Variants in PTPRJ observed in about 807,000 individuals in gnomAD.
PTPRJ encodes receptor-type tyrosine-protein phosphatase eta.
Under a neutral mutation model 141.3 loss-of-function variants are expected in PTPRJ, and 129 were observed. That is an observed-to-expected ratio of 0.91 (90% CI 0.79 to 1.06). The LOEUF (loss-of-function observed/expected upper bound fraction) is 1.06. Among genes scored for constraint, PTPRJ ranks in the 50% least tolerant of loss-of-function variants. PTPRJ has a pLI of 0.00. For synonymous variants in PTPRJ, 610 were observed against 640.5 expected (o/e 0.95, Z 0.72); for missense variants, 1,601 against 1,679.7 (o/e 0.95, Z 0.82).
chr11:48,007,309 C>T (rs771078593), intron 1 of PTPRJ, among the ~76,000 whole-genome samples: 11 of 151,740 alleles, frequency 7.2e-5, no homozygotes, highest in Non-Finnish European at 1.3e-4. Flanking sequence ...TGGGTTTTCA[C>T]CATGTTAGCC....
chr11:48,123,904 C>T, intron 5 of PTPRJ, 34 bp downstream of exon 5: 1 of 1,576,392 alleles, frequency 6.3e-7, no homozygotes, highest in Non-Finnish European at 8.6e-7. Context: ...GTCTCCCTTA[C>T]TGGTTCTTAC....
chr11:48,081,766 T>TG (rs753344345), intron 1 of PTPRJ, among the ~76,000 whole-genome samples: 10 of 94,374 alleles, frequency 1.1e-4, no homozygotes, highest in African/African-American at 4.1e-4. Flanking sequence ...GTAAAATGGG[T>TG]GGGGGGAAGG....
Position 48,169,701 on chromosome 11 carries a change from T to G in PTPRJ, c.*2339T>G, listed in dbSNP as rs769912956. 3 of 152,118 alleles carry G rather than the reference T, an allele frequency of 2.0e-5. No homozygotes were observed. Among genetic ancestry groups the G allele is most frequent in the Non-Finnish European group, 4.4e-5 (3 of 68,022 alleles). The allele number at this position is 152,118 out of a possible 1,614,324, so 9.4% of individuals were successfully genotyped here. ...AGGGACTTGTTGCTAAAAAATCCTT[T>G]AAAAGGTTAAATACTTTAAAAGATT... On this transcript the variant is annotated 3_prime_UTR_variant, in exon 25 of 25. Transcript: ENST00000418331.
At chr11:48,050,342 C>T (rs1049759427) in intron 1 of PTPRJ, among the ~76,000 whole-genome samples, 9 of 152,056 alleles carry the variant, frequency 5.9e-5, no homozygotes, top group South Asian at 2.1e-4. Context: ...CACATATGCA[C>T]GGCCTCCCCC....
intron 5 of PTPRJ, 40 bp from the exon 6 acceptor site, chr11:48,124,928 C>A: frequency 1.3e-6 from 2 of 1,599,442 alleles, no homozygotes; most frequent in Non-Finnish European, 8.6e-7. Context: ...ATGTGTCCCT[C>A]TTGTGGTTGA....
At chr11:48,093,219 A>G (rs1855916420) in intron 1 of PTPRJ, among the ~76,000 whole-genome samples, 1 of 152,230 alleles carries the variant, frequency 6.6e-6, no homozygotes, top group African/African-American at 2.4e-5. Context: ...CTGTCCTGGT[A>G]TCAAAGTTAT....
chr11:48,029,765 C>T (rs1853930948), intron 1 of PTPRJ, among the ~76,000 whole-genome samples: 1 of 152,164 alleles, frequency 6.6e-6, no homozygotes, highest in Non-Finnish European at 1.5e-5. Context: ...CCTTTCCCGC[C>T]TCAAGGCTAT....
intron 1 of PTPRJ, among the ~76,000 whole-genome samples, chr11:48,004,080 A>C (rs967266619): frequency 1.3e-5 from 2 of 152,202 alleles, no homozygotes; most frequent in Non-Finnish European, 2.9e-5. Flanking sequence ...AAAGGTCATC[A>C]GGTGCTCTCA....
intron 7 of PTPRJ, among the ~76,000 whole-genome samples, 199 bp downstream of exon 7, chr11:48,128,242 A>T (rs1856891770): frequency 6.6e-6 from 1 of 152,184 alleles, no homozygotes; most frequent in African/African-American, 2.4e-5. Context: ...TATTTTATAG[A>T]TAGGAAGCCA....
Position 47,980,648 on chromosome 11 carries a change from C to T in PTPRJ, c.-265C>T, listed in dbSNP as rs1853872233. On this transcript the variant is annotated 5_prime_UTR_variant, in exon 1 of 25. Transcript: ENST00000418331. The stretch of plus-strand genomic sequence containing the variant: ...CCGCGCGCTGGGGGTGGGCGCCGCT[C>T]GCTCCGCCCCGCGAAGCCCCTGCGC... 1.0e-6 allele frequency: 1 copy of T among 984,696 alleles called. No individual in the cohort carries two copies. Among genetic ancestry groups the T allele is most frequent in the Non-Finnish European group, 1.2e-6 (1 of 830,556 alleles). 61.0% of individuals were successfully genotyped at this position (984,696 alleles called of 1,614,324 possible).
chr11:48,098,058 G>A (rs776168707), intron 1 of PTPRJ, among the ~76,000 whole-genome samples: 1 of 152,170 alleles, frequency 6.6e-6, no homozygotes, highest in Non-Finnish European at 1.5e-5. Flanking sequence ...AGAGGATGTC[G>A]GTATAGACAA....
chr11:48,164,659 T>G, intron 24 of PTPRJ, 144 bp downstream of exon 24: 1 of 750,312 alleles, frequency 1.3e-6, no homozygotes, highest in Non-Finnish European at 1.9e-6. Context: ...CTCTGCCTCC[T>G]GGGTTCAAGT....
At chr11:48,022,747 G>A (rs1302244168) in intron 1 of PTPRJ, among the ~76,000 whole-genome samples, 6 of 152,218 alleles carry the variant, frequency 3.9e-5, no homozygotes, top group African/African-American at 1.4e-4. Context: ...CCAGAGCAGC[G>A]TGGGTTCATT....
chr11:48,151,989 A>T (rs1194362109), intron 18 of PTPRJ, among the ~76,000 whole-genome samples: 1 of 152,196 alleles, frequency 6.6e-6, no homozygotes, highest in African/African-American at 2.4e-5. Context: ...GTCAAATGGT[A>T]TTTCTAGTTT....
At chr11:48,132,472 T>C in intron 8 of PTPRJ, 1 of 983,686 alleles carries the variant, frequency 1.0e-6, no homozygotes, top group Non-Finnish European at 1.2e-6. Flanking sequence ...TATTGTTGTT[T>C]TAAAATTTTG....
intron 1 of PTPRJ, among the ~76,000 whole-genome samples, chr11:48,108,576 T>A (rs905175008): frequency 1.3e-5 from 2 of 152,178 alleles, no homozygotes; most frequent in Non-Finnish European, 2.9e-5. Flanking sequence ...TTTGCAAGTA[T>A]AGCCTCCCAC....
At chr11:48,150,344 CAGT>C (rs1360235093) in intron 18 of PTPRJ, among the ~76,000 whole-genome samples, 161 bp downstream of exon 18, 1 of 152,184 alleles carries the variant, frequency 6.6e-6, no homozygotes. Context: ...GTCAGCAGTG[CAGT>C]TATATTACTC....
At chr11:48,159,715 T>C (rs1420126738) in intron 21 of PTPRJ, among the ~76,000 whole-genome samples, 2 of 152,106 alleles carry the variant, frequency 1.3e-5, no homozygotes, top group African/African-American at 4.8e-5. Context: ...ATGATCTCAT[T>C]TGTGAATAGC....
At chr11:48,132,338 T>C in intron 8 of PTPRJ, 1 of 975,956 alleles carries the variant, frequency 1.0e-6, no homozygotes, top group African/African-American at 1.7e-5. Context: ...AGTTGCAGAC[T>C]AGCACCAGCC....
Sources: allele counts gnomAD v4.1 joint callset (sites outside exome capture counted in the v4.1 genomes callset), GRCh38; gene constraint gnomAD v4.1.1; transcripts MANE v1.5; gene names NCBI Gene and HGNC (gene_info 2026-07-23, HGNC 2026-07-21).